HIVEP3: variants seen among roughly 807,000 people sequenced by gnomAD.
HIVEP3 encodes transcription factor HIVEP3.
HIVEP3 carries 49 observed loss-of-function variants against 152.8 expected under a neutral mutation model. The ratio of observed to expected loss-of-function variants is 0.32; its 90% CI spans 0.26 to 0.41. HIVEP3 has a LOEUF of 0.41. Among genes scored for constraint, HIVEP3 ranks in the 10% least tolerant of loss-of-function variants. The pLI, the probability that HIVEP3 is intolerant of heterozygous loss-of-function variation, is 1.00. For missense variants in HIVEP3, 2,790 were observed against 3,103.3 expected, an observed-to-expected ratio of 0.90 and a Z score of 2.40; for synonymous variants, 1,269 against 1,289.0, an observed-to-expected ratio of 0.98 and a Z score of 0.33.
At chr1:41,693,370 C>T (rs1646225004) in intron 2 of HIVEP3, among the ~76,000 whole-genome samples, 1 of 152,166 alleles carries the variant, frequency 6.6e-6, no homozygotes, top group Non-Finnish European at 1.5e-5. Context: ...TTGAAATGGC[C>T]CCCAAAGGAC....
At chr1:41,746,534 C>A (rs1331176600) in intron 1 of HIVEP3, among the ~76,000 whole-genome samples, 1 of 152,214 alleles carries the variant, frequency 6.6e-6, no homozygotes, top group African/African-American at 2.4e-5. Flanking sequence ...GCAAGAGCTT[C>A]TGTCCAGGGA....
intron 1 of HIVEP3, among the ~76,000 whole-genome samples, chr1:41,781,394 T>C (rs866123617): frequency 6.6e-6 from 1 of 152,196 alleles, no homozygotes; most frequent in African/African-American, 2.4e-5. Flanking sequence ...GCTCCATAAT[T>C]GCTGCTGAAA....
intron 2 of HIVEP3, among the ~76,000 whole-genome samples, chr1:41,675,740 C>T (rs774016652): frequency 6.6e-6 from 1 of 152,196 alleles, no homozygotes; most frequent in Non-Finnish European, 1.5e-5. Context: ...TACCACTCAT[C>T]GTGAATTCCC....
intron 5 of HIVEP3, among the ~76,000 whole-genome samples, chr1:41,526,999 T>C (rs1642972496): frequency 2.6e-5 from 2 of 75,968 alleles, no homozygotes; most frequent in South Asian, 5.8e-4. Flanking sequence ...ACCCCTGCAC[T>C]CACACTCGCT....
intron 1 of HIVEP3, among the ~76,000 whole-genome samples, chr1:41,978,477 A>G (rs1157326005): frequency 3.3e-5 from 5 of 152,206 alleles, no homozygotes; most frequent in Non-Finnish European, 5.9e-5. Context: ...ACAGGAGGAC[A>G]CAGGAGGCGG....
At chr1:42,000,623 A>G (rs547894479) in intron 1 of HIVEP3, among the ~76,000 whole-genome samples, 11 of 152,348 alleles carry the variant, frequency 7.2e-5, no homozygotes, top group Non-Finnish European at 1.0e-4. Flanking sequence ...ACATCACCAT[A>G]AGCCCCAGAC....
chr1:41,626,306 TCCAG>T (rs1645116462), intron 3 of HIVEP3, among the ~76,000 whole-genome samples: 1 of 152,204 alleles, frequency 6.6e-6, no homozygotes, highest in Admixed American at 6.5e-5. Context: ...TCACCTGGAC[TCCAG>T]CAGCACCAAG....
rs775734771 is a variant in HIVEP3 at position 41,938,454 on chromosome 1, G to C, written n.120-19930C>G. Among the ~76,000 whole-genome samples the C allele has an allele frequency of 1.2e-4, 18 of 152,304 alleles. 1 individual carries two copies. Among genetic ancestry groups the C allele is most frequent in the South Asian group, 1.0e-3 (5 of 4,812 alleles). ...TTAATGAGTCCAGGAGAAGGAGGAA[G>C]GTCAGGGGAAGATGAAGTAATGGGG... On this transcript the variant is annotated intron_variant and non_coding_transcript_variant, in intron 1 of 3. Transcript: ENST00000489103.
At chr1:41,693,291 C>T (rs980944748) in intron 2 of HIVEP3, among the ~76,000 whole-genome samples, 8 of 152,162 alleles carry the variant, frequency 5.3e-5, no homozygotes, top group Admixed American at 1.3e-4. Context: ...TGTATCAATT[C>T]GTGACCCACT....
At chr1:41,545,122 TCATCAC>T (rs1643713722) in intron 5 of HIVEP3, among the ~76,000 whole-genome samples, 1 of 61,380 alleles carries the variant, frequency 1.6e-5, no homozygotes, top group African/African-American at 7.5e-5. Flanking sequence ...ACCACTACCA[TCATCAC>T]CACTACCACC....
chr1:41,844,251 G>A (rs1337390402), intron 1 of HIVEP3, among the ~76,000 whole-genome samples: 2 of 152,178 alleles, frequency 1.3e-5, no homozygotes, highest in Non-Finnish European at 2.9e-5. Context: ...GGGCTGAAAG[G>A]GAGCAGCACA....
chr1:41,796,775 A>G lies in HIVEP3; in HGVS notation c.-800-95780T>C, dbSNP rs146738459. Among the ~76,000 whole-genome samples the G allele has an allele frequency of 5.4e-3, 828 of 152,362 alleles. 9 individuals are homozygous for G. The highest frequency in any genetic ancestry group is 0.019 in the African/African-American group (786 of 41,574). ...CAATTAGATTTTTTAAAAAAACACAATAGCATATACCATCCTTCTCCCTAG... is the reference window on the plus strand; with the variant it reads ...CAATTAGATTTTTTAAAAAAACACAGTAGCATATACCATCCTTCTCCCTAG... On this transcript the variant is annotated intron_variant, in intron 1 of 8. Transcript: ENST00000372583.
chr1:41,914,063 C>A (rs1644835827), intron 1 of HIVEP3, among the ~76,000 whole-genome samples: 1 of 152,154 alleles, frequency 6.6e-6, no homozygotes, highest in African/African-American at 2.4e-5. Context: ...CCCCCTTTAT[C>A]CACAAGAATT....
intron 1 of HIVEP3, among the ~76,000 whole-genome samples, chr1:41,817,303 C>T (rs541974953): frequency 6.6e-6 from 1 of 151,878 alleles, no homozygotes; most frequent in South Asian, 2.1e-4. Context: ...ATCAGACAGA[C>T]AATAATTTGG....
At chr1:41,869,559 G>T (rs1369551231) in intron 1 of HIVEP3, 1 of 152,190 alleles carries the variant, frequency 6.6e-6, no homozygotes, top group Non-Finnish European at 1.5e-5. Context: ...TCAACTCAAA[G>T]GTTTCCATGT....
chr1:41,839,211 T>C (rs1643214249), intron 1 of HIVEP3, among the ~76,000 whole-genome samples: 1 of 152,024 alleles, frequency 6.6e-6, no homozygotes, highest in African/African-American at 2.4e-5. Context: ...CCTGAGAAGG[T>C]CTCTGGCCTC....
At chr1:41,683,761 G>T (rs533577101) in intron 2 of HIVEP3, among the ~76,000 whole-genome samples, 1 of 152,292 alleles carries the variant, frequency 6.6e-6, no homozygotes, top group East Asian at 1.9e-4. Context: ...AGTCAAAGCA[G>T]CCTGGCAGAG....
chr1:41,936,157 A>G (rs1264313850), intron 1 of HIVEP3, among the ~76,000 whole-genome samples: 6 of 152,202 alleles, frequency 3.9e-5, no homozygotes, highest in Non-Finnish European at 7.4e-5. Flanking sequence ...TGTAACCCCA[A>G]GATGGAGGGT....
At chr1:41,641,734 C>T (rs755110804) in intron 2 of HIVEP3, among the ~76,000 whole-genome samples, 8 of 152,228 alleles carry the variant, frequency 5.3e-5, no homozygotes, top group African/African-American at 9.6e-5. Flanking sequence ...CCAGTTGCTA[C>T]GGCAAGAGGA....
Sources: allele counts gnomAD v4.1 joint callset (sites outside exome capture counted in the v4.1 genomes callset), GRCh38; gene constraint gnomAD v4.1.1; transcripts MANE v1.5; gene names NCBI Gene and HGNC (gene_info 2026-07-23, HGNC 2026-07-21).